Variants in GALC observed in about 807,000 individuals in gnomAD.
GALC encodes the protein galactocerebrosidase.
A neutral mutation model predicts 91.8 loss-of-function variants in GALC; 77 were observed. That is an observed-to-expected ratio of 0.84 (90% CI 0.70 to 1.01). GALC has a LOEUF of 1.01. Ranked by LOEUF, GALC falls within the 50% of genes least tolerant of loss-of-function variation. GALC has a pLI of 0.00. For synonymous variants in GALC, 357 were observed against 306.7 expected (o/e 1.16, Z -1.71); for missense variants, 882 against 855.9 (o/e 1.03, Z -0.38).
intron 16 of GALC, among the ~76,000 whole-genome samples, chr14:87,937,378 G>A (rs1884622445): frequency 6.7e-6 from 1 of 149,502 alleles, no homozygotes; most frequent in Admixed American, 6.7e-5. Context: ...AGGTGACAAT[G>A]GGTGCCTGAC....
At chr14:87,976,741 A>C (rs539338238) in intron 6 of GALC, 22 of 405,158 alleles carry the variant, frequency 5.4e-5, no homozygotes, top group Non-Finnish European at 8.4e-5. Context: ...CAGCCTCCCA[A>C]GTAGCTGGGA....
chr14:87,971,907 G>A (rs1293562929), intron 7 of GALC, among the ~76,000 whole-genome samples: 1 of 152,078 alleles, frequency 6.6e-6, no homozygotes, highest in Non-Finnish European at 1.5e-5. Context: ...GAATAAGGCA[G>A]GAACGCTTTG....
chr14:87,970,475 C>G (rs1452490843), intron 7 of GALC, among the ~76,000 whole-genome samples: 3 of 151,864 alleles, frequency 2.0e-5, no homozygotes, highest in East Asian at 3.9e-4. Context: ...GAAACTGTTA[C>G]CACATTCAAA....
chr14:87,953,976 T>C, intron 10 of GALC: 1 of 1,609,218 alleles, frequency 6.2e-7, no homozygotes, highest in South Asian at 1.1e-5. Context: ...ATTTTGGGCA[T>C]ATACAGTGTT....
At chr14:87,982,264 A>T (rs1419916119) in intron 5 of GALC, 21 bp from the exon 6 acceptor site, 1 of 1,544,914 alleles carries the variant, frequency 6.5e-7, no homozygotes, top group African/African-American at 1.4e-5. Context: ...AAAAGTCAAA[A>T]AAGTCTGAAT....
Position 87,933,857 on chromosome 14 carries a change from A to T in GALC, c.*875T>A. On this transcript the variant is annotated 3_prime_UTR_variant, in exon 17 of 17. Transcript: ENST00000261304. ...TCTAAGTGCTCCCCTCCTTCCACAC[A>T]TAAGGAGAGAAAAGCATTCATCAGC... 1.2e-6 allele frequency: 1 copy of T among 811,718 alleles called. No homozygotes were observed. The highest frequency in any genetic ancestry group is 2.0e-6 in the Non-Finnish European group (1 of 504,450). 50.3% of individuals were successfully genotyped at this position (811,718 alleles called of 1,614,324 possible).
At chr14:87,973,234 T>C (rs1886367258) in intron 7 of GALC, among the ~76,000 whole-genome samples, 1 of 152,214 alleles carries the variant, frequency 6.6e-6, no homozygotes, top group African/African-American at 2.4e-5. Context: ...GAAATATTGT[T>C]TCCATTAGCA....
chr14:87,945,142 G>T (rs1449586126), intron 14 of GALC, among the ~76,000 whole-genome samples: 3 of 151,358 alleles, frequency 2.0e-5, no homozygotes, highest in South Asian at 2.1e-4. Context: ...CTTTTAATAA[G>T]GCTAAGACGG....
At position 87,934,749 on chromosome 14, in the gene GALC, CAAGAA is replaced by C. The variant is rs2139925505; in HGVS notation, c.2036_2040del (p.Phe679CysfsTer13). ...GTTAAGTATTAGCGTGTGGCTTCCA[CAAGAA>C]AGTTGTCAAACTGTGCAAATTCAAA... On this transcript the variant is annotated frameshift_variant, in exon 17 of 17. Transcript: ENST00000261304. LOFTEE classifies it high-confidence loss of function. 1.2e-6 allele frequency: 2 copies of C among 1,613,206 alleles called. No homozygotes were observed. Among genetic ancestry groups the C allele is most frequent in the Non-Finnish European group, 1.7e-6 (2 of 1,179,454 alleles).
rs78771300 is a variant in GALC at position 87,981,956 on chromosome 14, A to C, written c.621+249T>G. ...AAAACTAATGAATTTTAAAATAGAA[A>C]AATTCAACACAACTCTTTAGACAAA... On this transcript the variant is annotated intron_variant, in intron 6 of 16. Coordinates refer to ENST00000261304, the MANE Select transcript of GALC (RefSeq NM_000153.4). Among the ~76,000 whole-genome samples the C allele has an allele frequency of 2.1e-4, 32 of 152,310 alleles. No homozygotes were observed. In the East Asian group the frequency reaches 5.4e-3, roughly 26 times the overall value.
chr14:87,941,211 C>G (rs1884834888), intron 15 of GALC, among the ~76,000 whole-genome samples, 184 bp downstream of exon 15: 1 of 151,876 alleles, frequency 6.6e-6, no homozygotes, highest in Non-Finnish European at 1.5e-5. Context: ...CTGCCCCCAT[C>G]TCTAGGAATT....
Position 87,988,530 on chromosome 14 carries a change from A to T in GALC, c.196-7T>A, listed in dbSNP as rs1302684850. 1.9e-6 allele frequency: 3 copies of T among 1,608,154 alleles called. No individual in the cohort carries two copies. In the East Asian group the frequency reaches 6.7e-5, roughly 36 times the overall value. On this transcript the variant is annotated splice_region_variant and splice_polypyrimidine_tract_variant and intron_variant, in intron 1 of 16. Coordinates refer to ENST00000261304, the MANE Select transcript of GALC (RefSeq NM_000153.4). The stretch of plus-strand genomic sequence containing the variant: ...CTAGAAGTCGGGAGGTTGCCTAAAA[A>T]AAAAAGTTTTCAAAAGTATGAATAA...
At chr14:87,965,397 T>C in intron 9 of GALC, 108 bp downstream of exon 9, 2 of 1,236,374 alleles carry the variant, frequency 1.6e-6, no homozygotes, top group Admixed American at 1.7e-5. Context: ...CTTAAATCTA[T>C]ACTTAAAACA....
chr14:87,991,771 C>A (rs1029641837), intron 1 of GALC, among the ~76,000 whole-genome samples: 1 of 152,108 alleles, frequency 6.6e-6, no homozygotes, highest in Non-Finnish European at 1.5e-5. Context: ...CGAAATGATT[C>A]TTCTCATCTT....
At chr14:87,978,186 G>A (rs182215068) in intron 6 of GALC, among the ~76,000 whole-genome samples, 370 of 152,234 alleles carry the variant, frequency 2.4e-3, no homozygotes, top group African/African-American at 8.7e-3. Flanking sequence ...CAAGTAGCTG[G>A]GATTACAGGC....
intron 1 of GALC, among the ~76,000 whole-genome samples, chr14:87,990,503 A>C (rs528692674): frequency 6.6e-6 from 1 of 152,254 alleles, no homozygotes; most frequent in Non-Finnish European, 1.5e-5. Context: ...TTTAAAATAC[A>C]TATTTCTCAA....
intron 13 of GALC, among the ~76,000 whole-genome samples, chr14:87,947,416 A>T (rs1205862028): frequency 6.6e-6 from 1 of 152,062 alleles, no homozygotes; most frequent in East Asian, 1.9e-4. Flanking sequence ...GGAAGATGTC[A>T]GTAATGGCTA....
At chr14:87,941,291 C>T in intron 15 of GALC, 104 bp downstream of exon 15, 2 of 773,540 alleles carry the variant, frequency 2.6e-6, no homozygotes, top group South Asian at 1.6e-5. Flanking sequence ...TGTCCAAACA[C>T]CTTGGGTTGA....
chr14:87,982,171 G>C, intron 6 of GALC, 34 bp downstream of exon 6: 1 of 1,257,744 alleles, frequency 8.0e-7, no homozygotes, highest in Non-Finnish European at 1.2e-6. Context: ...TCACTAAAAA[G>C]TTAAAAACAA....
Sources: allele counts gnomAD v4.1 joint callset (sites outside exome capture counted in the v4.1 genomes callset), GRCh38; gene constraint gnomAD v4.1.1; transcripts MANE v1.5; gene names NCBI Gene and HGNC (gene_info 2026-07-23, HGNC 2026-07-21).